AXDND1: variants seen among roughly 807,000 people sequenced by gnomAD.
AXDND1 encodes the protein axonemal dynein light chain domain containing 1, also known as axonemal dynein light chain domain-containing protein 1.
In AXDND1, 110 loss-of-function variants were observed where a neutral mutation model predicts 137.5. The observed-to-expected ratio is 0.80, with a 90% CI of 0.69 to 0.94. AXDND1 has a LOEUF of 0.94. AXDND1 is among the 40% of genes least tolerant of loss of function. AXDND1 has a pLI of 0.00. For missense variants in AXDND1, 1,191 were observed against 1,169.8 expected (o/e 1.02, Z -0.26); for synonymous variants, 414 against 399.7 (o/e 1.04, Z -0.43).
At chr1:179,513,504 G>A (rs1443200481) in intron 21 of AXDND1, among the ~76,000 whole-genome samples, 4 of 152,114 alleles carry the variant, frequency 2.6e-5, no homozygotes, top group Non-Finnish European at 5.9e-5. Flanking sequence ...GTGTTTATCA[G>A]GGATGTCAGT....
chr1:179,474,861 C>CA (rs1286831530), intron 17 of AXDND1, among the ~76,000 whole-genome samples: 1 of 152,182 alleles, frequency 6.6e-6, no homozygotes, highest in African/African-American at 2.4e-5. Context: ...ATCCTCAGAC[C>CA]AACCCCTCTT....
At chr1:179,447,656 C>A in intron 16 of AXDND1, 1 of 1,336,138 alleles carries the variant, frequency 7.5e-7, no homozygotes, top group East Asian at 2.3e-5. Flanking sequence ...TCTGGTTTTC[C>A]ACTGTTCATT....
At chr1:179,481,927 G>C (rs1287818112) in intron 17 of AXDND1, among the ~76,000 whole-genome samples, 5 of 152,014 alleles carry the variant, frequency 3.3e-5, no homozygotes, top group Non-Finnish European at 7.4e-5. Context: ...CTTAGTGCCT[G>C]GTTGTTTCCT....
intron 7 of AXDND1, 122 bp downstream of exon 7, chr1:179,382,878 C>T (rs1210689736): frequency 6.3e-6 from 4 of 639,670 alleles, no homozygotes; most frequent in Admixed American, 3.2e-5. Flanking sequence ...CAATAATTGC[C>T]TACAAGTTCA....
At chr1:179,420,189 A>G (rs1301814285) in intron 12 of AXDND1, among the ~76,000 whole-genome samples, 2 of 152,348 alleles carry the variant, frequency 1.3e-5, no homozygotes, top group Non-Finnish European at 2.9e-5. Flanking sequence ...TTCAGCTTCT[A>G]TTGAAATGAT....
intron 11 of AXDND1, among the ~76,000 whole-genome samples, chr1:179,408,968 CTTTTTTTTTTTT>C (rs74384865): frequency 7.9e-6 from 1 of 126,402 alleles, no homozygotes; most frequent in Non-Finnish European, 1.6e-5. Context: ...TTTTTTCTTT[CTTTTTTTTTTTT>C]TTTTTTTTTG....
chr1:179,432,177 T>C (rs1004227040), intron 14 of AXDND1, 90 bp from the exon 15 acceptor site: 1 of 1,413,602 alleles, frequency 7.1e-7, no homozygotes, highest in Admixed American at 3.0e-5. Context: ...AGGAGAAATA[T>C]GTTAGTTGTT....
intron 1 of AXDND1, 40 bp from the exon 2 acceptor site, chr1:179,366,364 C>CT (rs35129223): frequency 0.46 from 224,641 of 488,970 alleles, 27,810 homozygotes; most frequent in African/African-American, 0.63. Context: ...TAGTTGTCAT[C>CT]TTTTTTTTTT....
At chr1:179,547,565 T>C (rs1357217253) in intron 25 of AXDND1, among the ~76,000 whole-genome samples, 1 of 152,162 alleles carries the variant, frequency 6.6e-6, no homozygotes, top group African/African-American at 2.4e-5. Context: ...ACAATGCTTC[T>C]ATTCTTAAAT....
intron 20 of AXDND1, among the ~76,000 whole-genome samples, chr1:179,502,844 C>T (rs958634869): frequency 6.6e-6 from 1 of 151,166 alleles, no homozygotes; most frequent in Non-Finnish European, 1.5e-5. Context: ...ACCTGTAATC[C>T]CAGCACTTTG....
chr1:179,483,053 CTT>C, intron 17 of AXDND1, 73 bp from the exon 18 acceptor site: 1 of 999,336 alleles, frequency 1.0e-6, no homozygotes, highest in East Asian at 2.7e-5. Context: ...AAATAAAACT[CTT>C]TCTCATAGCT....
intron 20 of AXDND1, among the ~76,000 whole-genome samples, chr1:179,496,155 A>G (rs1384699643): frequency 6.6e-6 from 1 of 151,918 alleles, no homozygotes; most frequent in Non-Finnish European, 1.5e-5. Context: ...TTCATAAGGG[A>G]TATTTATTAA....
rs561217807 is a variant in AXDND1 at position 179,411,825 on chromosome 1, C to A, written c.1230+559C>A. 6.1e-5 allele frequency among the ~76,000 whole-genome samples: 9 copies of A among 148,684 alleles called. No homozygotes were observed. The South Asian group carries it at 8.7e-4, about 14-fold the overall frequency. On this transcript the variant is annotated intron_variant, in intron 12 of 25. Transcript: ENST00000367618. ...TCATACAAGGTGACCATATTTGGAT[C>A]ACTGGATATCACACTCTGATTCTCT...
chr1:179,531,132 T>G (rs114725208), intron 23 of AXDND1, among the ~76,000 whole-genome samples: 2,257 of 152,178 alleles, frequency 0.015, 64 homozygotes, highest in African/African-American at 0.052. Context: ...TGAGTCCATA[T>G]TCTAAGATTT....
chr1:179,491,479 A>AT, intron 18 of AXDND1, 59 bp from the exon 19 acceptor site: 1 of 1,189,574 alleles, frequency 8.4e-7, no homozygotes, highest in South Asian at 1.4e-5. Context: ...ATTTGGTGTG[A>AT]TTTTTACTGT....
Position 179,432,251 on chromosome 1 carries a change from T to G in AXDND1, c.1488-16T>G, listed in dbSNP as rs1267204335. ...TTGTTCTGAGATGTTTCTCTTTTTTTTTTTCTTCTTTTCAGTGAAAAAGAC... is the reference window on the plus strand; with the variant it reads ...TTGTTCTGAGATGTTTCTCTTTTTTGTTTTCTTCTTTTCAGTGAAAAAGAC... On this transcript the variant is annotated splice_polypyrimidine_tract_variant and intron_variant, in intron 14 of 25. Coordinates refer to ENST00000367618, the MANE Select transcript of AXDND1 (RefSeq NM_144696.6). 12 of 1,525,222 alleles carry G rather than the reference T, an allele frequency of 7.9e-6. No individual in the cohort carries two copies. In the Admixed American group the frequency reaches 2.6e-4, roughly 33 times the overall value. 94.5% of individuals were successfully genotyped at this position (1,525,222 alleles called of 1,614,324 possible).
intron 23 of AXDND1, among the ~76,000 whole-genome samples, chr1:179,528,681 T>C (rs751021922): frequency 1.6e-5 from 2 of 121,916 alleles, no homozygotes; most frequent in Non-Finnish European, 3.3e-5. Context: ...TTGCTCTGCC[T>C]CCCGGGTTCA....
chr1:179,482,098 A>ATTTTTTTTTTTT (rs57145549), intron 17 of AXDND1, among the ~76,000 whole-genome samples: 5 of 108,072 alleles, frequency 4.6e-5, no homozygotes, highest in Non-Finnish European at 7.2e-5. Flanking sequence ...GAGCTTTTTA[A>ATTTTTTTTTTTT]TTTTTTTTTT....
chr1:179,551,144 C>T (rs1261794502), intron 25 of AXDND1: 1 of 1,613,124 alleles, frequency 6.2e-7, no homozygotes, highest in Non-Finnish European at 8.5e-7. Context: ...TGGCAGGCCC[C>T]TTTACAGTCA....
Sources: gnomAD v4.1 joint callset for allele counts (sites outside exome capture counted in the v4.1 genomes callset) on GRCh38, gnomAD v4.1.1 for gene constraint, MANE v1.5 for transcripts, NCBI Gene and HGNC (gene_info 2026-07-23, HGNC 2026-07-21) for gene names.